Variants in CNTNAP2 observed in about 807,000 individuals in gnomAD.
CNTNAP2 encodes contactin associated protein 2.
In CNTNAP2, 98 loss-of-function variants were observed where a neutral mutation model predicts 155.2. The ratio of observed to expected loss-of-function variants is 0.63; its 90% confidence interval spans 0.54 to 0.75. CNTNAP2 has a LOEUF of 0.75. Among genes scored for constraint, CNTNAP2 ranks in the 30% least tolerant of loss-of-function variants. CNTNAP2 has a pLI of 0.00. For missense variants in CNTNAP2, 1,727 were observed against 1,688.1 expected, an observed-to-expected ratio of 1.02 and a Z score of -0.40; for synonymous variants, 651 against 631.2, an observed-to-expected ratio of 1.03 and a Z score of -0.47.
At chr7:147,059,348 G>A (rs1342513720) in intron 4 of CNTNAP2, among the ~76,000 whole-genome samples, 1 of 152,040 alleles carries the variant, frequency 6.6e-6, no homozygotes, top group African/African-American at 2.4e-5. Context: ...ATAACTCTAG[G>A]CAACCTCAGT....
intron 12 of CNTNAP2, among the ~76,000 whole-genome samples, chr7:147,610,592 G>A (rs1338983402): frequency 2.6e-5 from 4 of 152,148 alleles, no homozygotes; most frequent in African/African-American, 9.7e-5. Context: ...GGACAGTTGG[G>A]TGGGCCTCAG....
At chr7:146,729,299 A>G (rs138347057) in intron 1 of CNTNAP2, among the ~76,000 whole-genome samples, 14 of 152,316 alleles carry the variant, frequency 9.2e-5, no homozygotes, top group African/African-American at 3.4e-4. Flanking sequence ...AGGCATGATC[A>G]CAGTGAGTTT....
chr7:147,513,560 A>T (rs1249408773), intron 11 of CNTNAP2, among the ~76,000 whole-genome samples: 2 of 152,230 alleles, frequency 1.3e-5, no homozygotes, highest in African/African-American at 4.8e-5. Context: ...TATGTGAAGG[A>T]ACATTATTTT....
In CNTNAP2 at chr7:147,140,957, C is replaced by G. The variant is rs568056598; in HGVS notation, c.1348+8448C>G. On this transcript the variant is annotated intron_variant, in intron 8 of 23. Coordinates refer to ENST00000361727, the MANE Select transcript of CNTNAP2 (RefSeq NM_014141.6). Reference sequence around the variant, plus strand: ...AGACTCCGGGGCCATCCAGATATGCCTCTTATCTACTGCTAAGATTATGAT... The same window carrying G: ...AGACTCCGGGGCCATCCAGATATGCGTCTTATCTACTGCTAAGATTATGAT... Among the ~76,000 whole-genome samples, 3 of 152,186 alleles carry G rather than the reference C, an allele frequency of 2.0e-5. No homozygotes were observed. The South Asian group carries it at 6.2e-4, about 32-fold the overall frequency.
At chr7:147,786,910 A>C (rs2116566063) in intron 13 of CNTNAP2, among the ~76,000 whole-genome samples, 1 of 151,296 alleles carries the variant, frequency 6.6e-6, no homozygotes, top group South Asian at 2.1e-4. Context: ...TCAAGGCTGC[A>C]GTGAGCTATG....
chr7:148,253,934 T>C lies in CNTNAP2; in HGVS notation c.3382-13099T>C, dbSNP rs1796415597. On this transcript the variant is annotated intron_variant, in intron 20 of 23. Transcript: ENST00000361727. Reference sequence around the variant, plus strand: ...TGTGGTCAGCTCTGAGGAACCTGCATCTAGCAAGGGCCGACTTTGCATATA... The same window carrying C: ...TGTGGTCAGCTCTGAGGAACCTGCACCTAGCAAGGGCCGACTTTGCATATA... Among the ~76,000 whole-genome samples, 4 of 152,128 alleles carry C rather than the reference T, an allele frequency of 2.6e-5. 1 individual carries two copies. In the South Asian group the frequency reaches 8.3e-4, roughly 32 times the overall value.
chr7:147,265,863 T>C, intron 8 of CNTNAP2, among the ~76,000 whole-genome samples: 1 of 152,024 alleles, frequency 6.6e-6, no homozygotes, highest in East Asian at 1.9e-4. Context: ...GGGACCCAGG[T>C]GAATAGTCTG....
chr7:147,073,626 A>G (rs906245118), intron 4 of CNTNAP2, among the ~76,000 whole-genome samples: 2 of 152,244 alleles, frequency 1.3e-5, no homozygotes, highest in East Asian at 1.9e-4. Context: ...ATAATGGAAC[A>G]TAAGCTTCAA....
intron 3 of CNTNAP2, among the ~76,000 whole-genome samples, chr7:146,964,571 C>T (rs1013364279): frequency 6.6e-6 from 1 of 152,152 alleles, no homozygotes; most frequent in African/African-American, 2.4e-5. Flanking sequence ...GTTAAGATAT[C>T]TTAAACCTGG....
At chr7:147,746,884 C>T (rs1180286806) in intron 13 of CNTNAP2, among the ~76,000 whole-genome samples, 2 of 152,064 alleles carry the variant, frequency 1.3e-5, no homozygotes, top group Admixed American at 6.5e-5. Flanking sequence ...TTTTATTTTC[C>T]TTCTAGTTAA....
At chr7:146,187,301 GGT>G (rs1218921742) in intron 1 of CNTNAP2, among the ~76,000 whole-genome samples, 1 of 152,166 alleles carries the variant, frequency 6.6e-6, no homozygotes, top group Non-Finnish European at 1.5e-5. Flanking sequence ...TCACAGCAGA[GGT>G]GTTACATGTG....
intron 21 of CNTNAP2, among the ~76,000 whole-genome samples, chr7:148,277,586 A>ACCCCCCCCCCC (rs147409823): frequency 3.6e-5 from 5 of 140,172 alleles, no homozygotes; most frequent in Admixed American, 7.3e-5. Flanking sequence ...TTAGTACAGG[A>ACCCCCCCCCCC]CCGCCCCCCA....
At chr7:146,671,452 C>CAT (rs58029757) in intron 1 of CNTNAP2, among the ~76,000 whole-genome samples, 3 of 148,252 alleles carry the variant, frequency 2.0e-5, no homozygotes, top group African/African-American at 7.4e-5. Flanking sequence ...CACACACACA[C>CAT]GGACACACAT....
chr7:147,079,678 A>C (rs1023459206), intron 4 of CNTNAP2, among the ~76,000 whole-genome samples: 1 of 151,570 alleles, frequency 6.6e-6, no homozygotes, highest in Non-Finnish European at 1.5e-5. Flanking sequence ...CCTTCTTTAT[A>C]ATACACACCC....
At chr7:146,667,529 A>G (rs1251944650) in intron 1 of CNTNAP2, among the ~76,000 whole-genome samples, 1 of 151,934 alleles carries the variant, frequency 6.6e-6, no homozygotes, top group East Asian at 1.9e-4. Flanking sequence ...GTATTTTTAT[A>G]GAGAAGGCAT....
At chr7:148,099,166 C>T (rs965265587) in intron 15 of CNTNAP2, among the ~76,000 whole-genome samples, 1 of 152,136 alleles carries the variant, frequency 6.6e-6, no homozygotes, top group African/African-American at 2.4e-5. Context: ...ACTTTCCGTG[C>T]CTCAGTTTCC....
At chr7:147,124,954 C>T (rs1435212211) in intron 6 of CNTNAP2, among the ~76,000 whole-genome samples, 8 of 141,540 alleles carry the variant, frequency 5.7e-5, no homozygotes, top group Non-Finnish European at 1.2e-4. Context: ...GATTTTGGCT[C>T]ACTGCAACCT....
intron 15 of CNTNAP2, among the ~76,000 whole-genome samples, chr7:147,988,835 A>T (rs888513785): frequency 1.9e-4 from 29 of 152,234 alleles, no homozygotes; most frequent in African/African-American, 6.3e-4. Context: ...TTGGATCTAA[A>T]CATCCACAGT....
chr7:146,753,004 T>A (rs1424483410), intron 1 of CNTNAP2, among the ~76,000 whole-genome samples: 2 of 152,156 alleles, frequency 1.3e-5, no homozygotes, highest in Non-Finnish European at 2.9e-5. Flanking sequence ...GAGCCAAGGG[T>A]TGAGGCAGAG....
Sources: allele counts gnomAD v4.1 joint callset (sites outside exome capture counted in the v4.1 genomes callset), GRCh38; gene constraint gnomAD v4.1.1; transcripts MANE v1.5; gene names NCBI Gene and HGNC (gene_info 2026-07-23, HGNC 2026-07-21).